The following SBF2 variants were observed in gnomAD, a reference collection of about 807,000 sequenced individuals.
The protein encoded by SBF2 is myotubularin-related protein 13.
A neutral mutation model predicts 225.2 loss-of-function variants in SBF2; 112 were observed. That is an observed-to-expected ratio of 0.50 (90% CI 0.43 to 0.58). The LOEUF is 0.58. Ranked by LOEUF, SBF2 falls within the 20% of genes least tolerant of loss-of-function variation. The pLI is 0.00. For synonymous variants in SBF2, 763 were observed against 773.3 expected (o/e 0.99, Z 0.22); for missense variants, 1,996 against 2,206.2 (o/e 0.90, Z 1.91).
chr11:10,008,642 G>C (rs542668201), intron 6 of SBF2, among the ~76,000 whole-genome samples: 4 of 152,336 alleles, frequency 2.6e-5, no homozygotes, highest in African/African-American at 9.6e-5. Flanking sequence ...TGCATCAATG[G>C]GACAGATGGG....
At chr11:9,790,208 A>C (rs1852653893) in intron 34 of SBF2, among the ~76,000 whole-genome samples, 1 of 152,230 alleles carries the variant, frequency 6.6e-6, no homozygotes, top group Non-Finnish European at 1.5e-5. Context: ...GAACTTAAAG[A>C]AACCTTTTCT....
chr11:10,036,743 C>A (rs1376529898), intron 3 of SBF2, among the ~76,000 whole-genome samples: 1 of 152,046 alleles, frequency 6.6e-6, no homozygotes. Context: ...TTATATGTAA[C>A]CTTTATAAGA....
intron 16 of SBF2, among the ~76,000 whole-genome samples, chr11:9,928,194 C>T (rs1031214927): frequency 3.0e-4 from 45 of 152,042 alleles, no homozygotes; most frequent in Admixed American, 1.2e-3. Flanking sequence ...CTGAAAATAA[C>T]TGAAAATCAT....
At chr11:10,069,889 T>C (rs1950794665) in intron 2 of SBF2, among the ~76,000 whole-genome samples, 1 of 152,244 alleles carries the variant, frequency 6.6e-6, no homozygotes, top group Non-Finnish European at 1.5e-5. Flanking sequence ...GTGGTTTTGA[T>C]TTGCATTTCT....
At chr11:10,207,733 G>GA (rs796188780) in intron 1 of SBF2, among the ~76,000 whole-genome samples, 65 of 150,286 alleles carry the variant, frequency 4.3e-4, no homozygotes, top group African/African-American at 8.3e-4. Flanking sequence ...TTTTCTATGG[G>GA]AAAAAAAAAC....
chr11:10,104,251 C>T (rs568543016), intron 2 of SBF2, among the ~76,000 whole-genome samples: 1 of 152,256 alleles, frequency 6.6e-6, no homozygotes, highest in East Asian at 1.9e-4. Flanking sequence ...AAAACACGAT[C>T]TATCCTGGAA....
At chr11:10,121,045 C>T (rs144000082) in intron 2 of SBF2, among the ~76,000 whole-genome samples, 1 of 152,216 alleles carries the variant, frequency 6.6e-6, no homozygotes, top group Non-Finnish European at 1.5e-5. Flanking sequence ...GGATTACAGG[C>T]TTGAGCCATC....
At chr11:9,805,474 C>T (rs421752) in intron 32 of SBF2, among the ~76,000 whole-genome samples, 74,175 of 151,866 alleles carry the variant, frequency 0.49, 18,984 homozygotes, top group East Asian at 0.79. Context: ...ATATTCAAAT[C>T]GGATATGTGG....
chr11:10,033,699 A>C (rs72858840), intron 3 of SBF2, among the ~76,000 whole-genome samples: 7,974 of 146,448 alleles, frequency 0.054, 296 homozygotes, highest in Middle Eastern at 0.16. Flanking sequence ...CAACAAATAA[A>C]CCCCAAATTT....
At chr11:10,200,080 G>A (rs749249215) in intron 1 of SBF2, among the ~76,000 whole-genome samples, 3 of 152,090 alleles carry the variant, frequency 2.0e-5, no homozygotes, top group Non-Finnish European at 4.4e-5. Flanking sequence ...ATTTATCTGC[G>A]TTTTGATTGT....
At chr11:9,793,540 C>T (rs1260166689) in intron 33 of SBF2, among the ~76,000 whole-genome samples, 1 of 152,176 alleles carries the variant, frequency 6.6e-6, no homozygotes, top group Non-Finnish European at 1.5e-5. Context: ...CAGGCACATG[C>T]CACCACGCCT....
At chr11:10,114,957 G>A (rs1953059746) in intron 2 of SBF2, among the ~76,000 whole-genome samples, 1 of 152,182 alleles carries the variant, frequency 6.6e-6, no homozygotes, top group Admixed American at 6.5e-5. Flanking sequence ...CATCTACAGG[G>A]CAGTTGCATT....
intron 2 of SBF2, among the ~76,000 whole-genome samples, chr11:10,054,609 G>A (rs557177064): frequency 7.1e-4 from 108 of 152,138 alleles, no homozygotes; most frequent in African/African-American, 2.5e-3. Context: ...AATAATCAAC[G>A]GAGTGAACAG....
intron 33 of SBF2, 164 bp from the exon 34 acceptor site, chr11:9,790,847 G>C (rs1383264445): frequency 3.9e-5 from 22 of 562,268 alleles, no homozygotes; most frequent in Non-Finnish European, 3.7e-5. Flanking sequence ...GCTAAAGACC[G>C]GAATGAATTT....
intron 1 of SBF2, among the ~76,000 whole-genome samples, chr11:10,221,431 C>T (rs1436153877): frequency 6.6e-6 from 1 of 152,130 alleles, no homozygotes; most frequent in Non-Finnish European, 1.5e-5. Flanking sequence ...ACTGTTACTT[C>T]CTAAGAGCTG....
chr11:10,107,745 A>C (rs1952614068), intron 2 of SBF2, among the ~76,000 whole-genome samples: 1 of 152,126 alleles, frequency 6.6e-6, no homozygotes, highest in Non-Finnish European at 1.5e-5. Flanking sequence ...CTCTCTTCTA[A>C]GGATATTTGA....
chr11:9,952,624 A>AT (rs980188459), intron 16 of SBF2, among the ~76,000 whole-genome samples: 1 of 151,928 alleles, frequency 6.6e-6, no homozygotes, highest in Admixed American at 6.6e-5. Context: ...GGGTTTATGT[A>AT]TTTTTTTAAG....
intron 28 of SBF2, among the ~76,000 whole-genome samples, chr11:9,821,439 A>C (rs1462801367): frequency 6.6e-6 from 1 of 152,224 alleles, no homozygotes; most frequent in African/African-American, 2.4e-5. Context: ...CGCAATGATA[A>C]AATGGCCAGT....
At chr11:9,936,484 C>T (rs1480982584) in intron 16 of SBF2, among the ~76,000 whole-genome samples, 1 of 152,178 alleles carries the variant, frequency 6.6e-6, no homozygotes, top group African/African-American at 2.4e-5. Context: ...AATCATGCTA[C>T]TATAAAGACA....
Sources: allele counts gnomAD v4.1 joint callset (sites outside exome capture counted in the v4.1 genomes callset), GRCh38; gene constraint gnomAD v4.1.1; transcripts MANE v1.5; gene names NCBI Gene and HGNC (gene_info 2026-07-23, HGNC 2026-07-21).